ULK4: variants seen among roughly 807,000 people sequenced by gnomAD.
The protein encoded by ULK4 is unc-51 like kinase 4, also known as inactive serine/threonine-protein kinase ULK4.
Under a neutral mutation model 160.6 loss-of-function variants are expected in ULK4, and 133 were observed. The ratio of observed to expected loss-of-function variants is 0.83; its 90% CI spans 0.72 to 0.96. ULK4 has a LOEUF of 0.96. Ranked by LOEUF, ULK4 falls within the 40% of genes least tolerant of loss-of-function variation. The pLI is 0.00. For missense variants in ULK4, 1,580 were observed against 1,499.5 expected (o/e 1.05, Z -0.89); for synonymous variants, 534 against 539.8 (o/e 0.99, Z 0.15).
At chr3:41,865,271 TAAAAAAAAAAAAAAAAAAAAAA>T (rs55741060) in intron 17 of ULK4, among the ~76,000 whole-genome samples, 13 of 29,900 alleles carry the variant, frequency 4.3e-4, no homozygotes, top group East Asian at 2.3e-3. Context: ...ACTCTGTCTT[TAAAAAAAAAAAAAAAAAAAAAA>T]AAAAAAAAAA....
At chr3:41,924,309 A>T (rs922405852) in intron 5 of ULK4, among the ~76,000 whole-genome samples, 1 of 152,020 alleles carries the variant, frequency 6.6e-6, no homozygotes, top group African/African-American at 2.4e-5. Flanking sequence ...GTGGTTTTAC[A>T]CTCTATTTTT....
At chr3:41,831,721 C>T (rs1422321279) in intron 18 of ULK4, among the ~76,000 whole-genome samples, 3 of 151,910 alleles carry the variant, frequency 2.0e-5, no homozygotes, top group South Asian at 4.2e-4. Flanking sequence ...CCTGACAGGC[C>T]CCCATGTGTG....
At chr3:41,525,118 C>T (rs1399060375) in intron 32 of ULK4, among the ~76,000 whole-genome samples, 3 of 152,084 alleles carry the variant, frequency 2.0e-5, no homozygotes, top group Admixed American at 2.0e-4. Flanking sequence ...CTGCTGTGAT[C>T]CAGTCCATAC....
At chr3:41,825,026 C>T (rs974183704) in intron 18 of ULK4, among the ~76,000 whole-genome samples, 1 of 152,228 alleles carries the variant, frequency 6.6e-6, no homozygotes, top group African/African-American at 2.4e-5. Context: ...TGTTCTGCAG[C>T]CTCCGCTGCT....
At chr3:41,512,509 A>C (rs2085611972) in intron 32 of ULK4, among the ~76,000 whole-genome samples, 1 of 152,216 alleles carries the variant, frequency 6.6e-6, no homozygotes, top group Non-Finnish European at 1.5e-5. Flanking sequence ...TCAAGAACTC[A>C]ACCCTTTTTA....
At chr3:41,281,330 C>G (rs2079348154) in intron 35 of ULK4, among the ~76,000 whole-genome samples, 1 of 152,300 alleles carries the variant, frequency 6.6e-6, no homozygotes, top group East Asian at 1.9e-4. Flanking sequence ...GATACCAAAG[C>G]CTTGCAGAGA....
intron 32 of ULK4, among the ~76,000 whole-genome samples, chr3:41,487,347 C>A (rs1473536): frequency 0.41 from 62,200 of 151,826 alleles, 12,907 homozygotes; most frequent in African/African-American, 0.43. Flanking sequence ...TTATGTTTTA[C>A]AGTTGATTTT....
intron 19 of ULK4, among the ~76,000 whole-genome samples, chr3:41,803,085 A>C (rs1032914200): frequency 1.3e-5 from 2 of 151,644 alleles, no homozygotes; most frequent in Admixed American, 6.6e-5. Context: ...GAATTGCTTG[A>C]ACCAGGACCC....
intron 35 of ULK4, among the ~76,000 whole-genome samples, chr3:41,297,484 A>T (rs963560471): frequency 6.6e-6 from 1 of 152,212 alleles, no homozygotes; most frequent in Admixed American, 6.5e-5. Context: ...GGAGTGGCAG[A>T]ACCTTTTTTC....
At chr3:41,275,185 G>A (rs1014898981) in intron 35 of ULK4, among the ~76,000 whole-genome samples, 22 of 152,306 alleles carry the variant, frequency 1.4e-4, no homozygotes, top group African/African-American at 5.1e-4. Flanking sequence ...TGACAAAGCA[G>A]AGTTACTCAT....
At chr3:41,616,361 C>T (rs973894678) in intron 30 of ULK4, among the ~76,000 whole-genome samples, 2 of 152,030 alleles carry the variant, frequency 1.3e-5, no homozygotes, top group Admixed American at 6.6e-5. Flanking sequence ...CCAAGATGGC[C>T]GAATAGAAAC....
chr3:41,445,326 C>A (rs1046302431), intron 34 of ULK4, among the ~76,000 whole-genome samples: 6 of 152,112 alleles, frequency 3.9e-5, no homozygotes, highest in African/African-American at 1.4e-4. Context: ...TCAATGCCAT[C>A]CCCATCAAGC....
chr3:41,358,787 C>T (rs1423756521), intron 35 of ULK4, among the ~76,000 whole-genome samples: 4 of 152,058 alleles, frequency 2.6e-5, no homozygotes, highest in Admixed American at 6.6e-5. Context: ...AGCCAGTCCA[C>T]GGCTTGCATG....
At chr3:41,335,342 A>T (rs1413567043) in intron 35 of ULK4, among the ~76,000 whole-genome samples, 2 of 152,180 alleles carry the variant, frequency 1.3e-5, no homozygotes, top group African/African-American at 2.4e-5. Context: ...AAGACTGATG[A>T]CAGAAATCAG....
chr3:41,310,633 T>TA (rs1273133637), intron 35 of ULK4, among the ~76,000 whole-genome samples: 1 of 152,210 alleles, frequency 6.6e-6, no homozygotes, highest in Non-Finnish European at 1.5e-5. Context: ...TTATGCTATT[T>TA]ACCTGAAATT....
At chr3:41,835,149 G>T (rs1237628403) in intron 18 of ULK4, among the ~76,000 whole-genome samples, 1 of 152,108 alleles carries the variant, frequency 6.6e-6, no homozygotes, top group Non-Finnish European at 1.5e-5. Context: ...GGTCGAGGCT[G>T]CCGTGAGCCA....
At chr3:41,904,606 T>C (rs1008556038) in intron 12 of ULK4, among the ~76,000 whole-genome samples, 1 of 152,202 alleles carries the variant, frequency 6.6e-6, no homozygotes, top group Non-Finnish European at 1.5e-5. Flanking sequence ...TTAATTTACA[T>C]TGATTTTCTA....
chr3:41,399,404 C>T (rs575949337), intron 34 of ULK4, among the ~76,000 whole-genome samples: 7 of 152,228 alleles, frequency 4.6e-5, no homozygotes, highest in Non-Finnish European at 1.0e-4. Context: ...ATACAAGTCC[C>T]TTAACAAATA....
chr3:41,818,959 A>G (rs1043129885), intron 19 of ULK4, among the ~76,000 whole-genome samples: 1 of 152,258 alleles, frequency 6.6e-6, no homozygotes, highest in African/African-American at 2.4e-5. Context: ...GAAAAATCAC[A>G]TCACGTAATA....
Sources: gnomAD v4.1 joint callset for allele counts (sites outside exome capture counted in the v4.1 genomes callset) on GRCh38, gnomAD v4.1.1 for gene constraint, MANE v1.5 for transcripts, NCBI Gene and HGNC (gene_info 2026-07-23, HGNC 2026-07-21) for gene names.